M1AP: variants seen among roughly 807,000 people sequenced by gnomAD.
M1AP encodes meiosis 1 arrest protein.
M1AP carries 39 observed loss-of-function variants against 51.2 expected under a neutral mutation model. The ratio of observed to expected loss-of-function variants is 0.76; its 90% CI spans 0.59 to 1.00. The LOEUF is 1.00. M1AP is among the 50% of genes least tolerant of loss of function. M1AP has a pLI of 0.00. For synonymous variants in M1AP, 251 were observed against 249.2 expected (o/e 1.01, Z -0.07); for missense variants, 545 against 641.2 (o/e 0.85, Z 1.62).
Position 74,618,334 on chromosome 2 carries a change from A to G in M1AP, c.241-3185T>C, listed in dbSNP as rs144230588. On this transcript the variant is annotated intron_variant, in intron 2 of 10. Transcript: ENST00000421985. ...GTGCAGGGCCATGTCCTCCCACCAG[A>G]CACCACCTGTACCTGTCAAGTGCCA... Among the ~76,000 whole-genome samples the G allele has an allele frequency of 6.1e-4, 93 of 152,326 alleles. No individual in the cohort carries two copies. The Middle Eastern group carries it at 0.01, about 17-fold the overall frequency.
At chr2:74,605,828 G>C in intron 4 of M1AP, among the ~76,000 whole-genome samples, 1 of 151,880 alleles carries the variant, frequency 6.6e-6, no homozygotes, top group East Asian at 1.9e-4. Context: ...ATGAACCTGG[G>C]AGGCGGAGCT....
At chr2:74,618,227 T>C (rs1243517061) in intron 2 of M1AP, among the ~76,000 whole-genome samples, 1 of 152,182 alleles carries the variant, frequency 6.6e-6, no homozygotes, top group Non-Finnish European at 1.5e-5. Context: ...GCAATGGACC[T>C]GTCTGCCCTG....
intron 3 of M1AP, 78 bp downstream of exon 3, chr2:74,614,886 T>G (rs1266713264): frequency 2.3e-6 from 3 of 1,306,946 alleles, no homozygotes; most frequent in African/African-American, 1.5e-5. Context: ...GATAGAACAA[T>G]GTAAAGATGA....
intron 4 of M1AP, among the ~76,000 whole-genome samples, chr2:74,589,973 A>G (rs1374253857): frequency 2.0e-5 from 3 of 152,216 alleles, no homozygotes; most frequent in Admixed American, 6.5e-5. Flanking sequence ...TTAAAAACAA[A>G]TCTTATAATG....
chr2:74,575,924 C>G (rs1476360823), intron 6 of M1AP, among the ~76,000 whole-genome samples: 1 of 152,156 alleles, frequency 6.6e-6, no homozygotes, highest in Non-Finnish European at 1.5e-5. Context: ...GTTCAATTAA[C>G]TCACTGCAGC....
intron 2 of M1AP, among the ~76,000 whole-genome samples, chr2:74,636,441 C>T (rs1035685986): frequency 2.0e-5 from 3 of 152,022 alleles, no homozygotes; most frequent in African/African-American, 7.2e-5. Context: ...GTTTTTAGGT[C>T]ACTCACATTT....
At chr2:74,633,076 A>T (rs1381871936) in intron 2 of M1AP, among the ~76,000 whole-genome samples, 1 of 152,036 alleles carries the variant, frequency 6.6e-6, no homozygotes, top group Non-Finnish European at 1.5e-5. Flanking sequence ...GGACTGATTC[A>T]ATGAGGTCAT....
intron 4 of M1AP, among the ~76,000 whole-genome samples, chr2:74,600,365 A>G (rs899417216): frequency 7.2e-5 from 11 of 152,248 alleles, no homozygotes; most frequent in Non-Finnish European, 1.2e-4. Context: ...GACTGGCTTT[A>G]GTTCACATAT....
intron 2 of M1AP, among the ~76,000 whole-genome samples, chr2:74,636,618 T>C (rs1359423137): frequency 1.3e-5 from 2 of 152,156 alleles, no homozygotes; most frequent in Non-Finnish European, 2.9e-5. Context: ...TGTATTTCTT[T>C]GTATAGGTTT....
At chr2:74,565,943 C>T (rs1558647530) in intron 7 of M1AP, among the ~76,000 whole-genome samples, 1 of 151,800 alleles carries the variant, frequency 6.6e-6, no homozygotes, top group Admixed American at 6.6e-5. Flanking sequence ...ACTTCCTCAA[C>T]CTGATAAAAA....
intron 3 of M1AP, among the ~76,000 whole-genome samples, chr2:74,609,143 G>A (rs28781876): frequency 0.36 from 55,151 of 152,024 alleles, 16,912 homozygotes; most frequent in East Asian, 0.81. Flanking sequence ...CTATTGTACA[G>A]TAGAACACCA....
intron 7 of M1AP, among the ~76,000 whole-genome samples, chr2:74,564,901 T>C (rs979296488): frequency 1.3e-5 from 2 of 152,204 alleles, no homozygotes; most frequent in African/African-American, 2.4e-5. Flanking sequence ...GATTCGTGCA[T>C]TTACTTGTGA....
intron 8 of M1AP, among the ~76,000 whole-genome samples, chr2:74,561,089 AGAAGGAGAAGGAGGAGG>A (rs1558643539): frequency 2.1e-4 from 25 of 120,274 alleles, no homozygotes; most frequent in African/African-American, 7.9e-4. Flanking sequence ...GAGGAGGAGG[AGAAGGAGAAGGAGGAGG>A]AGGAGAAGGA....
intron 2 of M1AP, among the ~76,000 whole-genome samples, chr2:74,638,699 G>T (rs552221100): frequency 1.3e-5 from 2 of 152,268 alleles, no homozygotes; most frequent in East Asian, 3.9e-4. Context: ...AAGTGAATAC[G>T]CCATCTTGCA....
intron 4 of M1AP, among the ~76,000 whole-genome samples, chr2:74,603,372 C>T (rs554206003): frequency 1.9e-3 from 295 of 152,218 alleles, no homozygotes; most frequent in Non-Finnish European, 2.5e-3. Flanking sequence ...ACAATTTAGG[C>T]GAGAAGACAC....
At chr2:74,590,101 G>A (rs1361149012) in intron 4 of M1AP, among the ~76,000 whole-genome samples, 1 of 152,226 alleles carries the variant, frequency 6.6e-6, no homozygotes, top group East Asian at 1.9e-4. Flanking sequence ...CTAGGGAATA[G>A]TGGGTTCTAT....
At chr2:74,569,969 T>C (rs1372012595) in intron 7 of M1AP, among the ~76,000 whole-genome samples, 2 of 151,528 alleles carry the variant, frequency 1.3e-5, no homozygotes, top group African/African-American at 4.8e-5. Context: ...TTAGAGATAA[T>C]TGAGGAGTGG....
chr2:74,626,715 T>C (rs1682418521), intron 2 of M1AP, among the ~76,000 whole-genome samples: 1 of 152,258 alleles, frequency 6.6e-6, no homozygotes, highest in African/African-American at 2.4e-5. Flanking sequence ...GCTGTGAGTA[T>C]GGATCTAGCT....
intron 4 of M1AP, among the ~76,000 whole-genome samples, chr2:74,589,999 C>T (rs776322392): frequency 2.0e-5 from 3 of 152,146 alleles, no homozygotes; most frequent in African/African-American, 2.4e-5. Flanking sequence ...AGAAAGTTTA[C>T]GAATTTTTGT....
Sources: gnomAD v4.1 joint callset for allele counts (sites outside exome capture counted in the v4.1 genomes callset) on GRCh38, gnomAD v4.1.1 for gene constraint, MANE v1.5 for transcripts, NCBI Gene and HGNC (gene_info 2026-07-23, HGNC 2026-07-21) for gene names.